Variants in CYP2C19 observed in about 807,000 individuals in gnomAD.
CYP2C19 encodes the protein cytochrome P450 family 2 subfamily C member 19, also known as cytochrome P450 2C19.
In CYP2C19, 59 loss-of-function variants were observed where a neutral mutation model predicts 40.9. That is an observed-to-expected ratio of 1.44 (90% CI 1.17 to 1.79). CYP2C19 has a LOEUF of 1.79. Ranked by LOEUF, CYP2C19 falls within the 40% of genes most tolerant of loss-of-function variation. The pLI is 0.00. For synonymous variants in CYP2C19, 253 were observed against 208.7 expected, an observed-to-expected ratio of 1.21 and a Z score of -1.83; for missense variants, 754 against 596.9, an observed-to-expected ratio of 1.26 and a Z score of -2.74.
chr10:94,794,962 A>C (rs551984851), intron 5 of CYP2C19, among the ~76,000 whole-genome samples: 2 of 152,078 alleles, frequency 1.3e-5, no homozygotes, highest in African/African-American at 4.8e-5. Flanking sequence ...GAGTGATGAG[A>C]GAGGGCATCC....
intron 6 of CYP2C19, among the ~76,000 whole-genome samples, chr10:94,836,153 T>C (rs1849400253): frequency 1.3e-5 from 2 of 152,376 alleles, no homozygotes; most frequent in African/African-American, 4.8e-5. Flanking sequence ...AGTAAGTGGT[T>C]GTCTGACAGC....
intron 6 of CYP2C19, among the ~76,000 whole-genome samples, chr10:94,830,203 G>C (rs1430732750): frequency 1.3e-5 from 2 of 152,370 alleles, no homozygotes; most frequent in East Asian, 3.9e-4. Context: ...CTTCCTGGCT[G>C]CTTTGTTTAC....
chr10:94,779,571 T>TTTTCTTTTCTTTTCTTTTCTTTTCTTTTC, intron 3 of CYP2C19, among the ~76,000 whole-genome samples: 1 of 2,748 alleles, frequency 3.6e-4, no homozygotes, highest in South Asian at 0.011. Flanking sequence ...CTTTTCTTTT[T>TTTTCTTTTCTTTTCTTTTCTTTTCTTTTC]TTTTTTTTGA....
intron 5 of CYP2C19, among the ~76,000 whole-genome samples, chr10:94,808,947 C>T (rs940605791): frequency 2.0e-5 from 3 of 152,026 alleles, no homozygotes; most frequent in African/African-American, 7.2e-5. Flanking sequence ...TTTGGATATA[C>T]CTAGCAGTGG....
intron 6 of CYP2C19, among the ~76,000 whole-genome samples, chr10:94,830,030 A>G (rs1177643772): frequency 6.6e-6 from 1 of 152,176 alleles, no homozygotes; most frequent in Non-Finnish European, 1.5e-5. Context: ...CTCCAGCTGC[A>G]TGCTGGGAGA....
Position 94,853,985 on chromosome 10 carries a change from C to CATGAACATGAACAAAAT in CYP2C19, c.*1071_*1072insATGAACATGAACAAAAT, listed in dbSNP as rs1849695432. Among the ~76,000 whole-genome samples the CATGAACATGAACAAAAT allele has an allele frequency of 6.6e-6, 1 of 151,794 alleles. No individual in the cohort carries two copies. The highest frequency in any genetic ancestry group is 2.4e-5 in the African/African-American group (1 of 41,316). On this transcript the variant is annotated 3_prime_UTR_variant, in exon 9 of 9. Coordinates refer to ENST00000371321, the MANE Select transcript of CYP2C19 (RefSeq NM_000769.4). ...ATTGCTGCTCATGTGTTTTGTCATG[C>CATGAACATGAACAAAAT]TTCTCTCTTCAAACATGAACAAAAT...
At chr10:94,842,757 T>C in intron 6 of CYP2C19, 80 bp from the exon 7 acceptor site, 2 of 1,438,376 alleles carry the variant, frequency 1.4e-6, no homozygotes, top group Admixed American at 3.4e-5. Flanking sequence ...ACCTTCATCA[T>C]GATTCATGTA....
At chr10:94,814,966 G>A (rs1376317032) in intron 5 of CYP2C19, among the ~76,000 whole-genome samples, 1 of 140,094 alleles carries the variant, frequency 7.1e-6, no homozygotes, top group Admixed American at 7.1e-5. Context: ...CCCACAGACT[G>A]AGTTGTGGCT....
chr10:94,833,814 A>C (rs1306518324), intron 6 of CYP2C19, among the ~76,000 whole-genome samples: 3 of 152,188 alleles, frequency 2.0e-5, no homozygotes, highest in African/African-American at 7.2e-5. Flanking sequence ...CTTGATTTCC[A>C]CATGTTGAAC....
Position 94,827,498 on chromosome 10 carries a change from C to T in CYP2C19, c.961+6861C>T, listed in dbSNP as rs868077085. Among the ~76,000 whole-genome samples, 257 of 152,116 alleles carry T rather than the reference C, an allele frequency of 1.7e-3. 1 individual carries two copies. Among genetic ancestry groups the T allele is most frequent in the Non-Finnish European group, 2.8e-3 (189 of 68,018 alleles). ...ATGGTAGTTTGTATTTCTGTGGGATCGGTGGTGATATCCCCTTTATCGTTT... is the reference window on the plus strand; with the variant it reads ...ATGGTAGTTTGTATTTCTGTGGGATTGGTGGTGATATCCCCTTTATCGTTT... On this transcript the variant is annotated intron_variant, in intron 6 of 8. Coordinates refer to ENST00000371321, the MANE Select transcript of CYP2C19 (RefSeq NM_000769.4).
At chr10:94,842,673 C>A (rs1222504335) in intron 6 of CYP2C19, among the ~76,000 whole-genome samples, 164 bp from the exon 7 acceptor site, 1 of 152,116 alleles carries the variant, frequency 6.6e-6, no homozygotes, top group Non-Finnish European at 1.5e-5. Context: ...CACATTTGTG[C>A]ATCTGTAGCA....
At chr10:94,834,172 C>G (rs1321778633) in intron 6 of CYP2C19, among the ~76,000 whole-genome samples, 3 of 152,054 alleles carry the variant, frequency 2.0e-5, no homozygotes, top group African/African-American at 7.2e-5. Flanking sequence ...CAGGTTTGAT[C>G]TTGGTACTGG....
At chr10:94,774,559 C>A (rs889573665) in intron 1 of CYP2C19, 1 of 166,354 alleles carries the variant, frequency 6.0e-6, no homozygotes, top group East Asian at 1.8e-4. Flanking sequence ...TAGAGAGGTG[C>A]TTTTACTATA....
chr10:94,835,400 C>T (rs777815784), intron 6 of CYP2C19, among the ~76,000 whole-genome samples: 48 of 152,082 alleles, frequency 3.2e-4, no homozygotes, highest in African/African-American at 9.2e-4. Flanking sequence ...CTAGCCATCC[C>T]GAGGGGAGAA....
chr10:94,770,639 A>G (rs574423653), intron 1 of CYP2C19, among the ~76,000 whole-genome samples: 1 of 152,250 alleles, frequency 6.6e-6, no homozygotes, highest in East Asian at 1.9e-4. Flanking sequence ...TTTAGGATCA[A>G]TTGACCTTCT....
chr10:94,849,946 T>C lies in CYP2C19; in HGVS notation c.1179T>C (p.Ser393=). 6.2e-7 allele frequency: 1 copy of C among 1,613,798 alleles called. No individual in the cohort carries two copies. Among genetic ancestry groups the C allele is most frequent in the African/African-American group, 1.3e-5 (1 of 75,018 alleles). ...CAACCATATTAACTTCCCTCACTTC[T>C]GTGCTACATGACAACAAAGAATTTC... The part of the protein sequence containing the change: ...KGTTILTSLT[S]VLHDNKEFPN... The change falls in exon 8 of 9, where the codon TCT becomes TCC. Residue 393 remains serine, a synonymous_variant. Coordinates refer to ENST00000371321, the MANE Select transcript of CYP2C19 (RefSeq NM_000769.4).
At position 94,843,169 on chromosome 10, in the gene CYP2C19, GT is replaced by G. The variant is rs1849521891; in HGVS notation, c.1149+148del. On this transcript the variant is annotated intron_variant, in intron 7 of 8. Transcript: ENST00000371321. ...TTAATTGGACTTTCTGTTGATTCCA[GT>G]TTGGGACTATAAAGATTTGTAACAG... 5 of 984,702 alleles carry G rather than the reference GT, an allele frequency of 5.1e-6. No individual in the cohort carries two copies. In the East Asian group the frequency reaches 1.3e-4, roughly 25 times the overall value. 61.0% of individuals were successfully genotyped at this position (984,702 alleles called of 1,614,324 possible). A position where few individuals can be genotyped will look rare whatever the true frequency, so the allele number is the denominator to read the frequency against.
intron 7 of CYP2C19, among the ~76,000 whole-genome samples, chr10:94,848,989 G>A (rs569119248): frequency 6.6e-6 from 1 of 152,046 alleles, no homozygotes; most frequent in Non-Finnish European, 1.5e-5. Flanking sequence ...TGAGACGATG[G>A]GGTTGTCTAG....
At chr10:94,778,147 C>G (rs1848435021) in intron 3 of CYP2C19, among the ~76,000 whole-genome samples, 1 of 152,126 alleles carries the variant, frequency 6.6e-6, no homozygotes. Context: ...TGCTGAAAAC[C>G]TGGAGCCCAT....
Sources: gnomAD v4.1 joint callset for allele counts (sites outside exome capture counted in the v4.1 genomes callset) on GRCh38, gnomAD v4.1.1 for gene constraint, MANE v1.5 for transcripts, NCBI Gene and HGNC (gene_info 2026-07-23, HGNC 2026-07-21) for gene names.